CHAF1B: variants seen among roughly 807,000 people sequenced by gnomAD.
CHAF1B encodes the protein CAF-1 subunit B.
A neutral mutation model predicts 60.7 loss-of-function variants in CHAF1B; 10 were observed. The observed-to-expected ratio is 0.16, with a 90% confidence interval of 0.10 to 0.28. The LOEUF (loss-of-function observed/expected upper bound fraction) is 0.28, where lower values mean the gene tolerates loss of function less well. CHAF1B is among the 10% of genes least tolerant of loss of function. The probability of loss-of-function intolerance (pLI) is 1.00; values close to 1 mark genes in which losing one functional copy is unlikely to be tolerated. For missense variants in CHAF1B, 558 were observed against 708.4 expected, an observed-to-expected ratio of 0.79 and a Z score of 2.41; for synonymous variants, 261 against 266.1, an observed-to-expected ratio of 0.98 and a Z score of 0.19.
At chr21:36,400,111 A>AG (rs2086174887) in intron 7 of CHAF1B, among the ~76,000 whole-genome samples, 1 of 152,130 alleles carries the variant, frequency 6.6e-6, no homozygotes, top group Non-Finnish European at 1.5e-5. Context: ...TGGGAGGCGG[A>AG]GGTCTTAGCC....
At chr21:36,401,730 C>A (rs2146368771) in intron 7 of CHAF1B, among the ~76,000 whole-genome samples, 1 of 147,754 alleles carries the variant, frequency 6.8e-6, no homozygotes, top group South Asian at 2.1e-4. Context: ...TCCTTGTGTT[C>A]TTAAGAATTA....
rs2086319984 is a variant in CHAF1B at position 36,416,380 on chromosome 21, TC to T, written c.*15del. 1 of 1,609,680 alleles carries T rather than the reference TC, an allele frequency of 6.2e-7. No individual in the cohort carries two copies. Among genetic ancestry groups the T allele is most frequent in the Non-Finnish European group, 8.5e-7 (1 of 1,177,504 alleles). On this transcript the variant is annotated 3_prime_UTR_variant, in exon 14 of 14. Coordinates refer to ENST00000314103, the MANE Select transcript of CHAF1B (RefSeq NM_005441.3). Reference sequence around the variant, plus strand: ...CTGGACCCTTGATGGGACCTCGGCTTCTGCTCGAAGCCTACCAGGCTCCCGG... The same window carrying T: ...CTGGACCCTTGATGGGACCTCGGCTTTGCTCGAAGCCTACCAGGCTCCCGG...
Position 36,399,564 on chromosome 21 carries a change from A to C in CHAF1B, c.622A>C (p.Asn208His). The change falls in exon 7 of 14, where the codon AAT becomes CAT. Residue 208 changes from asparagine (N) to histidine (H), a missense_variant. Asn to His is a moderately conservative substitution (Grantham distance 68, BLOSUM62 1). Transcript: ENST00000314103. Reference sequence around the variant, plus strand: ...TATACAGAAGAAGCGTGTGGCTTTCAATGTTTCGAAGATGCTGTCTGGAAT... The same window carrying C: ...TATACAGAAGAAGCGTGTGGCTTTCCATGTTTCGAAGATGCTGTCTGGAAT... Reference protein sequence around the residue: ...YSIQKKRVAFNVSKMLSGIGA... With the variant: ...YSIQKKRVAFHVSKMLSGIGA... The C allele has an allele frequency of 6.2e-7, 1 of 1,614,148 alleles. No homozygotes were observed. The highest frequency in any genetic ancestry group is 8.5e-7 in the Non-Finnish European group (1 of 1,179,992).
At chr21:36,407,147 C>T (rs543841666) in intron 8 of CHAF1B, among the ~76,000 whole-genome samples, 1 of 151,852 alleles carries the variant, frequency 6.6e-6, no homozygotes, top group African/African-American at 2.4e-5. Context: ...ACTAAAAATA[C>T]AAAAATTAGC....
rs1012811346 is a variant in CHAF1B at position 36,413,005 on chromosome 21, C to A, written c.1183C>A (p.Pro395Thr). 11 of 1,614,058 alleles carry A rather than the reference C, an allele frequency of 6.8e-6. No individual in the cohort carries two copies. The highest frequency in any genetic ancestry group is 9.3e-6 in the Non-Finnish European group (11 of 1,180,050). Residue 395 changes from proline (P) to threonine (T), a missense_variant, in exon 12 of 14, where the codon CCT (proline) becomes ACT (threonine). Coordinates refer to ENST00000314103, the MANE Select transcript of CHAF1B (RefSeq NM_005441.3). The stretch of plus-strand genomic sequence containing the variant: ...GAAGCCAGTTTTGAACATGAGAACT[C>A]CTGATACAGCAAAGAAAACCAAGAG... ...KEKPVLNMRT[P>T]DTAKKTKSQT...
rs1381264042 is a variant in CHAF1B, at chr21:36,413,002, ACTC to A, written c.1183_1185del (p.Pro395del). The A allele has an allele frequency of 1.2e-6, 2 of 1,613,894 alleles. No individual in the cohort carries two copies. Among genetic ancestry groups the A allele is most frequent in the Non-Finnish European group, 1.7e-6 (2 of 1,180,026 alleles). ...AGAGAAGCCAGTTTTGAACATGAGA[ACTC>A]CTGATACAGCAAAGAAAACCAAGAG... On this transcript the variant is annotated inframe_deletion, in exon 12 of 14. Transcript: ENST00000314103.
At chr21:36,395,419 G>C (rs961217086) in intron 5 of CHAF1B, among the ~76,000 whole-genome samples, 6 of 152,238 alleles carry the variant, frequency 3.9e-5, no homozygotes, top group Admixed American at 2.6e-4. Flanking sequence ...GGCTCAACAG[G>C]ATAGGGGTTA....
In CHAF1B at chr21:36,415,705, T is replaced by C. The variant is rs578208954; in HGVS notation, c.1588+316T>C. 6 of 457,334 alleles carry C rather than the reference T, an allele frequency of 1.3e-5. No homozygotes were observed. The East Asian group carries it at 1.5e-4, about 12-fold the overall frequency. The allele number at this position is 457,334 out of a possible 1,614,324, so 28.3% of individuals were successfully genotyped here. ...GAGGACTGTCCTGTGTATTATGCGA[T>C]GTTTAACAGCATCCCCGGCTGCTAC... On this transcript the variant is annotated intron_variant, in intron 13 of 13. Coordinates refer to ENST00000314103, the MANE Select transcript of CHAF1B (RefSeq NM_005441.3).
chr21:36,410,632 A>G (rs1224204409), intron 10 of CHAF1B, among the ~76,000 whole-genome samples: 1 of 145,278 alleles, frequency 6.9e-6, no homozygotes, highest in Non-Finnish European at 1.5e-5. Flanking sequence ...TTCCTTATAT[A>G]TTCTGTGCCT....
rs1320522468 is a variant in CHAF1B, at chr21:36,391,663, T to A, written c.372T>A (p.Thr124=). ...AGGAGAACTGGACGGTTGTGAAGACTCTGCGGTAACTTGGGAGGGACCATG... is the reference window on the plus strand; with the variant it reads ...AGGAGAACTGGACGGTTGTGAAGACACTGCGGTAACTTGGGAGGGACCATG... The part of the protein sequence containing the change: ...LNKENWTVVK[T]LRGHLEDVYD... Residue 124 remains threonine (T), a synonymous_variant, in exon 4 of 14, where the codon ACT becomes ACA. Transcript: ENST00000314103. 1.9e-6 allele frequency: 3 copies of A among 1,603,352 alleles called. No individual in the cohort carries two copies. In the South Asian group the frequency reaches 3.3e-5, roughly 18 times the overall value.
rs1480378472 is a variant in CHAF1B, at chr21:36,413,184, T to A, written c.1362T>A (p.Pro454=). 7 of 1,613,838 alleles carry A rather than the reference T, an allele frequency of 4.3e-6. No individual in the cohort carries two copies. The highest frequency in any genetic ancestry group is 5.9e-6 in the Non-Finnish European group (7 of 1,179,996). ...TCAGGGACCCTCCCTCCATCACTCC[T>A]GCTGTCAAAAGCCCCTTGCCGGGGC... The part of the protein sequence containing the change: ...TVIRDPPSIT[P]AVKSPLPGPS... The change falls in exon 12 of 14, where the codon CCT becomes CCA. Residue 454 remains proline (P), a synonymous_variant. Coordinates refer to ENST00000314103, the MANE Select transcript of CHAF1B (RefSeq NM_005441.3).
chr21:36,397,480 G>T lies in CHAF1B; in HGVS notation c.547G>T (p.Gly183Cys). The T allele has an allele frequency of 1.3e-6, 2 of 1,562,076 alleles. No individual in the cohort carries two copies. The highest frequency in any genetic ancestry group is 1.7e-6 in the Non-Finnish European group (2 of 1,144,452). Reference protein sequence around the residue: ...YVQGVTWDPLGQYVATLSCDR... With the variant: ...YVQGVTWDPLCQYVATLSCDR... The stretch of plus-strand genomic sequence containing the variant: ...CCAAGGAGTAACCTGGGACCCTTTG[G>T]GTCAATATGTTGCTACTCTGAGCTG... The change falls in exon 6 of 14, where the codon GGT becomes TGT. Residue 183 changes from glycine to cysteine, a missense_variant. By Grantham distance (159) the Gly-to-Cys change is radical. Coordinates refer to ENST00000314103, the MANE Select transcript of CHAF1B (RefSeq NM_005441.3).
At chr21:36,391,503 A>G in intron 3 of CHAF1B, 48 bp from the exon 4 acceptor site, 2 of 1,068,692 alleles carry the variant, frequency 1.9e-6, no homozygotes, top group Non-Finnish European at 2.8e-6. Context: ...TCCTAATATG[A>G]AGGAGTGTGG....
At chr21:36,388,627 C>T (rs914209614) in intron 3 of CHAF1B, among the ~76,000 whole-genome samples, 35 of 151,930 alleles carry the variant, frequency 2.3e-4, no homozygotes, top group African/African-American at 8.0e-4. Flanking sequence ...CCACCACCCC[C>T]GGCTAATTTT....
intron 1 of CHAF1B, among the ~76,000 whole-genome samples, 186 bp from the exon 2 acceptor site, chr21:36,385,874 T>C (rs976859132): frequency 6.6e-6 from 1 of 152,122 alleles, no homozygotes; most frequent in Non-Finnish European, 1.5e-5. Context: ...TGTAGCGGCG[T>C]ATCATAAACT....
At chr21:36,391,781 C>T in intron 4 of CHAF1B, 113 bp downstream of exon 4, 1 of 674,164 alleles carries the variant, frequency 1.5e-6, no homozygotes, top group Non-Finnish European at 2.6e-6. Context: ...CATTGTCGCC[C>T]AGGCTGGAGT....
At chr21:36,408,369 G>T (rs1183116018) in intron 8 of CHAF1B, among the ~76,000 whole-genome samples, 1 of 152,124 alleles carries the variant, frequency 6.6e-6, no homozygotes, top group African/African-American at 2.4e-5. Context: ...TCCAAGGCTG[G>T]AATCCAGGAA....
At chr21:36,387,751 G>C in intron 3 of CHAF1B, 21 bp downstream of exon 3, 1 of 1,612,892 alleles carries the variant, frequency 6.2e-7, no homozygotes, top group Non-Finnish European at 8.5e-7. Flanking sequence ...CTGTCCTTCA[G>C]AGATTCTTCG....
intron 7 of CHAF1B, 76 bp downstream of exon 7, chr21:36,399,681 C>T (rs1555912686): frequency 8.4e-7 from 1 of 1,184,982 alleles, no homozygotes; most frequent in Non-Finnish European, 1.3e-6. Context: ...CTCCCATACC[C>T]TTGCAGCCAA....
Sources: gnomAD v4.1 joint callset for allele counts (sites outside exome capture counted in the v4.1 genomes callset) on GRCh38, gnomAD v4.1.1 for gene constraint, MANE v1.5 for transcripts, NCBI Gene and HGNC (gene_info 2026-07-23, HGNC 2026-07-21) for gene names.